MACF1: variants seen among roughly 807,000 people sequenced by gnomAD.
MACF1 encodes microtubule-actin cross-linking factor 1.
In MACF1, 193 loss-of-function variants were observed where a neutral mutation model predicts 854.8. That is an observed-to-expected ratio of 0.23 (90% CI 0.20 to 0.25). MACF1 has a LOEUF of 0.25. Among genes scored for constraint, MACF1 ranks in the 10% least tolerant of loss-of-function variants. The pLI, the probability that MACF1 is intolerant of heterozygous loss-of-function variation, is 1.00. For synonymous variants in MACF1, 3,185 were observed against 3,226.7 expected (o/e 0.99, Z 0.44); for missense variants, 7,722 against 8,929.1 (o/e 0.86, Z 5.45).
At chr1:39,482,390 TTTCTC>T (rs2124245009) in intron 99 of MACF1, among the ~76,000 whole-genome samples, 1 of 152,330 alleles carries the variant, frequency 6.6e-6, no homozygotes, top group African/African-American at 2.4e-5. Flanking sequence ...ATGGATTGCT[TTTCTC>T]TTCTGTTTGC....
chr1:39,385,391 G>T, intron 56 of MACF1, 43 bp from the exon 57 acceptor site: 3 of 1,597,014 alleles, frequency 1.9e-6, no homozygotes, highest in Non-Finnish European at 2.6e-6. Context: ...AGATAGATCT[G>T]TTTTTTTCCT....
chr1:39,195,157 C>T (rs1644305117), intron 2 of MACF1, among the ~76,000 whole-genome samples: 1 of 152,086 alleles, frequency 6.6e-6, no homozygotes, highest in Non-Finnish European at 1.5e-5. Flanking sequence ...TGTATGTTAC[C>T]TACTAGGCCT....
intron 97 of MACF1, among the ~76,000 whole-genome samples, chr1:39,471,801 A>G (rs1249042994): frequency 6.6e-6 from 1 of 151,430 alleles, no homozygotes; most frequent in Non-Finnish European, 1.5e-5. Flanking sequence ...GATTTAAAAG[A>G]CACATTTTGA....
At position 39,091,988 on chromosome 1, in the gene MACF1, C is replaced by G. The variant is rs116057917; in HGVS notation, c.220+7550C>G. Among the ~76,000 whole-genome samples, 32 of 152,294 alleles carry G rather than the reference C, an allele frequency of 2.1e-4. No individual in the cohort carries two copies. In the East Asian group the frequency reaches 3.3e-3, roughly 16 times the overall value. The stretch of plus-strand genomic sequence containing the variant: ...GAGCCCAGCTCCTGCCTATGAAGAC[C>G]GTTAGAATGCAGCATGAACTGAGCT... On this transcript the variant is annotated intron_variant, in intron 2 of 93. Coordinates refer to the MACF1 transcript ENST00000361689.
chr1:39,186,294 G>A (rs1644172685), intron 2 of MACF1, among the ~76,000 whole-genome samples: 1 of 147,858 alleles, frequency 6.8e-6, no homozygotes, highest in Non-Finnish European at 1.5e-5. Flanking sequence ...ATTTGAGACA[G>A]AGTCTCACTC....
In MACF1 at chr1:39,284,129, C is replaced by G. The variant is rs143546862; in HGVS notation, c.979C>G (p.Gln327Glu). ...RVDSLIPWIKQHTILMSDKTF... is the reference protein window; with the variant it reads ...RVDSLIPWIKEHTILMSDKTF... ...GGACTCCCTCATTCCCTGGATCAAACAGCATACAATACTGATGTCAGATAA... is the reference window on the plus strand; with the variant it reads ...GGACTCCCTCATTCCCTGGATCAAAGAGCATACAATACTGATGTCAGATAA... Residue 327 changes from glutamine (Q) to glutamate (E), a missense_variant, in exon 10 of 101, where the codon CAG becomes GAG. Transcript: ENST00000564288. The G allele has an allele frequency of 1.6e-5, 26 of 1,613,892 alleles. No homozygotes were observed. The highest frequency in any genetic ancestry group is 2.0e-5 in the Non-Finnish European group (24 of 1,179,912).
chr1:39,311,695 G>C (rs189467913), intron 26 of MACF1, among the ~76,000 whole-genome samples: 29 of 152,284 alleles, frequency 1.9e-4, no homozygotes, highest in Admixed American at 1.8e-3. Flanking sequence ...ATAAAAAGTC[G>C]AAGTTACAAT....
At chr1:39,167,751 A>T (rs1035863266) in intron 2 of MACF1, among the ~76,000 whole-genome samples, 1 of 151,860 alleles carries the variant, frequency 6.6e-6, no homozygotes, top group Admixed American at 6.6e-5. Context: ...ACAGGCACCT[A>T]TAATCTCAGC....
In MACF1 at chr1:39,424,185, C is replaced by T; in HGVS notation, c.16307C>T (p.Ala5436Val). Residue 5436 changes from alanine to valine, a missense_variant, in exon 61 of 101, where the codon GCA (alanine) becomes GTA (valine). Ala to Val is a moderately conservative substitution (Grantham distance 64, BLOSUM62 0). Transcript: ENST00000564288. Reference protein sequence around the residue: ...ESRWTELLSKAAARQKQLEDI... With the variant: ...ESRWTELLSKVAARQKQLEDI... ...AGATGGACTGAACTACTCAGTAAGG[C>T]AGCAGCCAGGTAAGATCAAAGGAAT... 5 of 1,613,142 alleles carry T rather than the reference C, an allele frequency of 3.1e-6. No individual in the cohort carries two copies. The highest frequency in any genetic ancestry group is 4.2e-6 in the Non-Finnish European group (5 of 1,179,588).
At chr1:39,187,850 C>CTCTCTCTGTCTCTCTG (rs1644193578) in intron 2 of MACF1, among the ~76,000 whole-genome samples, 1 of 106,314 alleles carries the variant, frequency 9.4e-6, no homozygotes, top group Non-Finnish European at 1.9e-5. Flanking sequence ...GGCTGTCTTT[C>CTCTCTCTGTCTCTCTG]TCTCTCTCTC....
chr1:39,142,577 A>G (rs2148186221), intron 2 of MACF1, among the ~76,000 whole-genome samples: 1 of 152,296 alleles, frequency 6.6e-6, no homozygotes, highest in Admixed American at 6.5e-5. Flanking sequence ...AGCTCCATTT[A>G]TGGTTGAGCA....
intron 97 of MACF1, among the ~76,000 whole-genome samples, chr1:39,477,891 C>T (rs1355247056): frequency 6.6e-6 from 1 of 151,640 alleles, no homozygotes; most frequent in Admixed American, 6.6e-5. Flanking sequence ...TAGAGAATGC[C>T]CTTCCTAAAA....
chr1:39,234,962 G>A (rs1644841755), intron 2 of MACF1, among the ~76,000 whole-genome samples: 1 of 151,830 alleles, frequency 6.6e-6, no homozygotes, highest in Non-Finnish European at 1.5e-5. Flanking sequence ...GCAGGGAAGA[G>A]GTGCTCCTCA....
chr1:39,356,230 A>T (rs1647551893), intron 44 of MACF1, among the ~76,000 whole-genome samples: 1 of 152,220 alleles, frequency 6.6e-6, no homozygotes, highest in African/African-American at 2.4e-5. Context: ...TAGACACAGT[A>T]CATACAAATA....
intron 2 of MACF1, among the ~76,000 whole-genome samples, chr1:39,093,400 C>T (rs1306814324): frequency 6.6e-6 from 1 of 150,382 alleles, no homozygotes; most frequent in Non-Finnish European, 1.5e-5. Flanking sequence ...ATTGCAACCA[C>T]CGCCTCCTGG....
At chr1:39,396,977 C>G (rs750133566) in intron 58 of MACF1, among the ~76,000 whole-genome samples, 34 of 152,190 alleles carry the variant, frequency 2.2e-4, no homozygotes, top group Non-Finnish European at 4.9e-4. Context: ...AATACACTTA[C>G]TCTCTAGGAC....
intron 60 of MACF1, among the ~76,000 whole-genome samples, chr1:39,423,727 C>T (rs2148639526): frequency 6.6e-6 from 1 of 151,184 alleles, no homozygotes; most frequent in African/African-American, 2.4e-5. Context: ...AGATAATTAA[C>T]ATATTCATCA....
intron 6 of MACF1, among the ~76,000 whole-genome samples, chr1:39,281,174 A>G (rs1055062789): frequency 6.6e-6 from 1 of 152,190 alleles, no homozygotes; most frequent in Non-Finnish European, 1.5e-5. Context: ...ATTTCTTAAA[A>G]TAGCTTTTTT....
intron 88 of MACF1, among the ~76,000 whole-genome samples, chr1:39,454,686 G>C (rs1310259393): frequency 6.6e-6 from 1 of 152,124 alleles, no homozygotes. Context: ...TGTAATCCCA[G>C]TTACTTGGGA....
Sources: gnomAD v4.1 joint callset for allele counts (sites outside exome capture counted in the v4.1 genomes callset) on GRCh38, gnomAD v4.1.1 for gene constraint, MANE v1.5 for transcripts, NCBI Gene and HGNC (gene_info 2026-07-23, HGNC 2026-07-21) for gene names.